The following SYNPR variants were observed in gnomAD, a reference collection of about 807,000 sequenced individuals.
SYNPR encodes synaptoporin.
A neutral mutation model predicts 32.9 loss-of-function variants in SYNPR; 23 were observed. The ratio of observed to expected loss-of-function variants is 0.70; its 90% CI spans 0.50 to 0.99. SYNPR has a LOEUF of 0.99. Ranked by LOEUF, SYNPR falls within the 50% of genes least tolerant of loss-of-function variation. The pLI, the probability that SYNPR is intolerant of heterozygous loss-of-function variation, is 0.00. For synonymous variants in SYNPR, 146 were observed against 135.9 expected (o/e 1.07, Z -0.52); for missense variants, 318 against 349.3 (o/e 0.91, Z 0.71).
the SYNPR span, among the ~76,000 whole-genome samples, chr3:63,204,724 C>T: frequency 6.6e-6 from 1 of 151,948 alleles, no homozygotes; most frequent in Non-Finnish European, 1.5e-5. Context: ...CGCTCTGTCA[C>T]CCAGGCTGGA....
At chr3:63,286,099 C>G (rs1013293826) in intron 2 of SYNPR, among the ~76,000 whole-genome samples, 5 of 152,178 alleles carry the variant, frequency 3.3e-5, no homozygotes, top group Non-Finnish European at 7.3e-5. Context: ...TTTTTAGCCC[C>G]TCTATCTCTA....
chr3:63,540,891 T>TACACACACACACAC (rs34925541), intron 3 of SYNPR, among the ~76,000 whole-genome samples: 30 of 122,934 alleles, frequency 2.4e-4, no homozygotes, highest in African/African-American at 8.8e-4. Context: ...CTATCACTCC[T>TACACACACACACAC]ACACACACAC....
intron 2 of SYNPR, among the ~76,000 whole-genome samples, chr3:63,391,723 T>C (rs1022758873): frequency 6.6e-6 from 1 of 152,064 alleles, no homozygotes; most frequent in African/African-American, 2.4e-5. Context: ...CAAAGGAAGA[T>C]TTTGCTGGCT....
chr3:63,573,578 C>T lies in SYNPR; in HGVS notation c.408+16837C>T, dbSNP rs144502763. Among the ~76,000 whole-genome samples the T allele has an allele frequency of 2.5e-3, 383 of 152,290 alleles. 3 individuals are homozygous for T. The highest frequency in any genetic ancestry group is 8.9e-3 in the African/African-American group (372 of 41,572). The stretch of plus-strand genomic sequence containing the variant: ...GCTTTGAAGTCATCATCACTTTCTA[C>T]GTCCTCCCTCTGTTTTATCAGTGGA... On this transcript the variant is annotated intron_variant, in intron 4 of 5. Coordinates refer to ENST00000478300, the MANE Select transcript of SYNPR (RefSeq NM_001130003.2).
chr3:63,285,179 A>C (rs1412257883), intron 2 of SYNPR, among the ~76,000 whole-genome samples: 1 of 152,226 alleles, frequency 6.6e-6, no homozygotes, highest in Admixed American at 6.5e-5. Flanking sequence ...ATGCCAAGGA[A>C]CATTTGTATT....
intron 3 of SYNPR, among the ~76,000 whole-genome samples, chr3:63,539,585 C>G (rs780248880): frequency 1.3e-5 from 2 of 151,988 alleles, no homozygotes; most frequent in Non-Finnish European, 2.9e-5. Flanking sequence ...GTGAAAATAT[C>G]CTGAGTAACA....
chr3:63,464,635 C>G (rs1372093488), intron 2 of SYNPR, among the ~76,000 whole-genome samples: 1 of 152,118 alleles, frequency 6.6e-6, no homozygotes, highest in African/African-American at 2.4e-5. Flanking sequence ...CTCATGTTTT[C>G]ATCAGACACA....
At chr3:63,383,322 G>A (rs1458739121) in intron 2 of SYNPR, among the ~76,000 whole-genome samples, 3 of 152,308 alleles carry the variant, frequency 2.0e-5, no homozygotes, top group East Asian at 3.9e-4. Flanking sequence ...TACCTCCCAA[G>A]AGAAAAGAAT....
intron 3 of SYNPR, among the ~76,000 whole-genome samples, chr3:63,521,986 T>C (rs2202492): frequency 0.21 from 31,167 of 152,024 alleles, 3,292 homozygotes; most frequent in East Asian, 0.31. Flanking sequence ...AGGCAGCCTC[T>C]CCAGGCACAG....
At chr3:63,376,451 A>G (rs771706443) in intron 2 of SYNPR, among the ~76,000 whole-genome samples, 1 of 152,020 alleles carries the variant, frequency 6.6e-6, no homozygotes, top group Non-Finnish European at 1.5e-5. Flanking sequence ...CTGCTTTCTC[A>G]TCTCTCTACC....
At position 63,412,021 on chromosome 3, in the gene SYNPR, C is replaced by T. The variant is rs114011943; in HGVS notation, c.85-68811C>T. On this transcript the variant is annotated intron_variant, in intron 2 of 5. Transcript: ENST00000478300. ...GCAGGCCAAGAGTGGATTACTAGAT[C>T]AGGATACAGAACTGGCAGGAGAGAT... 6.7e-3 allele frequency among the ~76,000 whole-genome samples: 1,019 copies of T among 152,042 alleles called. 11 individuals are homozygous for T. Among genetic ancestry groups the T allele is most frequent in the African/African-American group, 0.023 (974 of 41,456 alleles).
intron 2 of SYNPR, among the ~76,000 whole-genome samples, chr3:63,475,327 G>T (rs959476695): frequency 1.3e-5 from 2 of 152,158 alleles, no homozygotes; most frequent in African/African-American, 2.4e-5. Context: ...GAACTCAAGG[G>T]AGGTGAATGA....
chr3:63,416,250 G>A (rs1288301426), intron 2 of SYNPR, among the ~76,000 whole-genome samples: 5 of 152,156 alleles, frequency 3.3e-5, no homozygotes, highest in Non-Finnish European at 5.9e-5. Flanking sequence ...AATGCCTTTG[G>A]CTGGCTACTC....
Position 63,264,741 on chromosome 3 carries a change from G to A in SYNPR, n.155-2576G>A, listed in dbSNP as rs180849314. Among the ~76,000 whole-genome samples, 337 of 152,294 alleles carry A rather than the reference G, an allele frequency of 2.2e-3. 3 individuals carry two copies. Among genetic ancestry groups the A allele is most frequent in the African/African-American group, 7.7e-3 (320 of 41,570 alleles). On this transcript the variant is annotated intron_variant and non_coding_transcript_variant, in intron 2 of 4. Coordinates refer to the SYNPR transcript ENST00000478456. ...AATTGACTCACAGTTCTGCATGGCT[G>A]TGGAGGCCTCAGGAAACTTACAATC...
At chr3:63,389,074 G>A (rs1206447545) in intron 2 of SYNPR, among the ~76,000 whole-genome samples, 1 of 152,124 alleles carries the variant, frequency 6.6e-6, no homozygotes, top group Non-Finnish European at 1.5e-5. Context: ...TGATCCGTTT[G>A]GAGTTGCAGT....
chr3:63,346,998 G>A (rs1326595870), intron 2 of SYNPR, among the ~76,000 whole-genome samples: 1 of 152,114 alleles, frequency 6.6e-6, no homozygotes, highest in African/African-American at 2.4e-5. Context: ...GCCATATACT[G>A]TGCTAAATCT....
At chr3:63,417,359 G>A (rs2088555467) in intron 2 of SYNPR, among the ~76,000 whole-genome samples, 3 of 152,246 alleles carry the variant, frequency 2.0e-5, no homozygotes, top group African/African-American at 7.2e-5. Flanking sequence ...CTGTGGCTTT[G>A]CAGGGTGCAG....
intron 2 of SYNPR, among the ~76,000 whole-genome samples, chr3:63,448,593 T>C (rs1266886617): frequency 6.6e-6 from 1 of 152,102 alleles, no homozygotes; most frequent in Non-Finnish European, 1.5e-5. Context: ...TCATATGAAA[T>C]TGAATGGCAG....
chr3:63,486,995 T>C (rs1430420546), intron 3 of SYNPR, among the ~76,000 whole-genome samples: 1 of 152,182 alleles, frequency 6.6e-6, no homozygotes, highest in African/African-American at 2.4e-5. Flanking sequence ...TAGTTTGTAT[T>C]TTAGATCAGC....
Sources: allele counts gnomAD v4.1 joint callset (sites outside exome capture counted in the v4.1 genomes callset), GRCh38; gene constraint gnomAD v4.1.1; transcripts MANE v1.5; gene names NCBI Gene and HGNC (gene_info 2026-07-23, HGNC 2026-07-21).